BMP6: variants seen among roughly 807,000 people sequenced by gnomAD.
The protein encoded by BMP6 is bone morphogenetic protein 6.
BMP6 carries 17 observed loss-of-function variants against 54.1 expected under a neutral mutation model. The ratio of observed to expected loss-of-function variants is 0.31; its 90% CI spans 0.22 to 0.47. The LOEUF is 0.47. Among genes scored for constraint, BMP6 ranks in the 20% least tolerant of loss-of-function variants. The probability of loss-of-function intolerance (pLI) is 1.00; values close to 1 mark genes in which losing one functional copy is unlikely to be tolerated. For missense variants in BMP6, 720 were observed against 690.4 expected, an observed-to-expected ratio of 1.04 and a Z score of -0.48; for synonymous variants, 328 against 291.2, an observed-to-expected ratio of 1.13 and a Z score of -1.28.
intron 1 of BMP6, among the ~76,000 whole-genome samples, chr6:7,789,584 G>A (rs1050214777): frequency 2.0e-5 from 3 of 152,138 alleles, no homozygotes; most frequent in African/African-American, 7.2e-5. Flanking sequence ...ATGATATTGA[G>A]GGGCAGATGG....
At chr6:7,790,816 G>T (rs1258867305) in intron 1 of BMP6, among the ~76,000 whole-genome samples, 8 of 152,162 alleles carry the variant, frequency 5.3e-5, no homozygotes, top group Non-Finnish European at 1.0e-4. Flanking sequence ...TTGCAGGTCT[G>T]TCCTTGTCAC....
At chr6:7,863,517 A>G (rs888663697) in intron 4 of BMP6, among the ~76,000 whole-genome samples, 35 of 151,846 alleles carry the variant, frequency 2.3e-4, no homozygotes, top group African/African-American at 7.7e-4. Context: ...CCAGGGCACG[A>G]CTCCGGTTGG....
chr6:7,824,195 C>T (rs1581264170), intron 1 of BMP6, among the ~76,000 whole-genome samples: 1 of 152,250 alleles, frequency 6.6e-6, no homozygotes, highest in East Asian at 1.9e-4. Context: ...AGGCAGGAGT[C>T]AGGGGGACCC....
chr6:7,733,296 C>G (rs780657786), intron 1 of BMP6, among the ~76,000 whole-genome samples: 7 of 152,182 alleles, frequency 4.6e-5, no homozygotes, highest in Non-Finnish European at 8.8e-5. Flanking sequence ...CTCTTCTGTT[C>G]AGAATTTTAG....
chr6:7,727,277 C>G lies in BMP6; in HGVS notation c.322C>G (p.Arg108Gly). Residue 108 changes from arginine (R) to glycine (G), a missense_variant, in exon 1 of 7, where the codon CGG (arginine) becomes GGG (glycine). This residue lies in a region of BMP6 where 650 missense variants were observed against 556.3 expected (regional missense o/e 1.17). Transcript: ENST00000283147. The stretch of plus-strand genomic sequence containing the variant: ...CCAACAGCCGCAGCCCCCGGCGCTC[C>G]GGCAGCAGGAGGAGCAGCAGCAGCA... ...GLQQPQPPAL[R>G]QQEEQQQQQQ... is the part of the protein sequence containing the mutation. 1 of 1,605,806 alleles carries G rather than the reference C, an allele frequency of 6.2e-7. No individual in the cohort carries two copies. Among genetic ancestry groups the G allele is most frequent in the South Asian group, 1.1e-5 (1 of 90,430 alleles).
intron 1 of BMP6, among the ~76,000 whole-genome samples, chr6:7,772,021 T>A (rs1341786133): frequency 1.6e-4 from 23 of 148,316 alleles, no homozygotes; most frequent in African/African-American, 5.0e-4. Flanking sequence ...GCGATTGCAC[T>A]CCAGCCTGGG....
chr6:7,873,199 C>G (rs1759556460), intron 4 of BMP6, among the ~76,000 whole-genome samples: 1 of 152,204 alleles, frequency 6.6e-6, no homozygotes. Context: ...ACACCAGGCA[C>G]AAGTGAGGTC....
intron 1 of BMP6, among the ~76,000 whole-genome samples, chr6:7,816,446 C>A (rs943319801): frequency 6.6e-6 from 1 of 152,066 alleles, no homozygotes; most frequent in African/African-American, 2.4e-5. Flanking sequence ...TCTGTGTGAC[C>A]ACAAATGCCA....
At chr6:7,808,267 A>G (rs1207056968) in intron 1 of BMP6, among the ~76,000 whole-genome samples, 1 of 152,222 alleles carries the variant, frequency 6.6e-6, no homozygotes, top group Non-Finnish European at 1.5e-5. Flanking sequence ...GATTGCACTT[A>G]AAATTAGTCA....
intron 1 of BMP6, among the ~76,000 whole-genome samples, chr6:7,809,516 G>T (rs945232128): frequency 6.6e-6 from 1 of 152,160 alleles, no homozygotes; most frequent in Non-Finnish European, 1.5e-5. Flanking sequence ...GTGTGGCTAT[G>T]TAGAGGCGGA....
rs1192472900 is a variant in BMP6 at position 7,861,448 on chromosome 6, C to T, written c.858-3C>T. On this transcript the variant is annotated splice_region_variant and splice_polypyrimidine_tract_variant and intron_variant, in intron 2 of 6. Transcript: ENST00000283147. ...TTACCAGGCCATTTTTTCTTTCTTT[C>T]AGAGACTCTGACCTGTTTTTGTTGG... 6.2e-7 allele frequency: 1 copy of T among 1,612,076 alleles called. No individual in the cohort carries two copies. Among genetic ancestry groups the T allele is most frequent in the Non-Finnish European group, 8.5e-7 (1 of 1,179,346 alleles).
intron 2 of BMP6, among the ~76,000 whole-genome samples, chr6:7,845,551 A>G (rs1467507306): frequency 2.0e-5 from 3 of 152,230 alleles, no homozygotes; most frequent in Non-Finnish European, 2.9e-5. Context: ...AAGCTAGTGA[A>G]TGTATTTATT....
At chr6:7,824,453 TA>T (rs1758661619) in intron 1 of BMP6, among the ~76,000 whole-genome samples, 1 of 152,168 alleles carries the variant, frequency 6.6e-6, no homozygotes, top group South Asian at 2.1e-4. Flanking sequence ...TTCTGATTGA[TA>T]AACAATAGAG....
At chr6:7,821,260 C>T (rs1409330362) in intron 1 of BMP6, among the ~76,000 whole-genome samples, 2 of 152,200 alleles carry the variant, frequency 1.3e-5, no homozygotes, top group African/African-American at 4.8e-5. Flanking sequence ...CCCTAAAGGA[C>T]TCTCCTGTCC....
intron 1 of BMP6, among the ~76,000 whole-genome samples, chr6:7,833,071 G>A (rs1410386845): frequency 6.6e-6 from 1 of 152,002 alleles, no homozygotes; most frequent in Non-Finnish European, 1.5e-5. Flanking sequence ...CAAAATGCGA[G>A]GCAGTGGGAC....
chr6:7,734,372 G>A (rs1284523758), intron 1 of BMP6, among the ~76,000 whole-genome samples: 1 of 152,146 alleles, frequency 6.6e-6, no homozygotes, highest in Non-Finnish European at 1.5e-5. Flanking sequence ...CTTTACTGCT[G>A]TTACCTCTTA....
At chr6:7,813,792 C>T (rs1325036928) in intron 1 of BMP6, among the ~76,000 whole-genome samples, 2 of 151,704 alleles carry the variant, frequency 1.3e-5, no homozygotes, top group Non-Finnish European at 2.9e-5. Context: ...GAGTTGGAAA[C>T]AGTCACTGTA....
At chr6:7,858,629 ACT>A (rs984594439) in intron 2 of BMP6, among the ~76,000 whole-genome samples, 2 of 150,116 alleles carry the variant, frequency 1.3e-5, no homozygotes, top group African/African-American at 2.5e-5. Context: ...TGACCTTGAG[ACT>A]CTCTCTGGGG....
At chr6:7,788,047 C>T (rs1316937253) in intron 1 of BMP6, among the ~76,000 whole-genome samples, 2 of 152,032 alleles carry the variant, frequency 1.3e-5, no homozygotes, top group African/African-American at 4.8e-5. Flanking sequence ...TAAATGTGAC[C>T]CTTTAGAGAT....
Sources: allele counts gnomAD v4.1 joint callset (sites outside exome capture counted in the v4.1 genomes callset), GRCh38; gene constraint gnomAD v4.1.1; regional missense constraint gnomAD v4.1.1; transcripts MANE v1.5; gene names NCBI Gene and HGNC (gene_info 2026-07-23, HGNC 2026-07-21).